The following ZNF208 variants were observed in gnomAD, a reference collection of about 807,000 sequenced individuals.
ZNF208 encodes zinc finger protein 95.
In ZNF208, 10 loss-of-function variants were observed where a neutral mutation model predicts 12.1. The ratio of observed to expected loss-of-function variants is 0.83; its 90% CI spans 0.51 to 1.40. The LOEUF is 1.40. Ranked by LOEUF, ZNF208 falls within the 40% of genes most tolerant of loss-of-function variation. ZNF208 has a pLI of 0.00. For synonymous variants in ZNF208, 497 were observed against 488.4 expected (o/e 1.02, Z -0.23); for missense variants, 1,652 against 1,485.0 (o/e 1.11, Z -1.85).
chr19:21,976,324 A>G (rs979018957), intron 3 of ZNF208, among the ~76,000 whole-genome samples: 1 of 152,180 alleles, frequency 6.6e-6, no homozygotes, highest in African/African-American at 2.4e-5. Context: ...GTTCTATGCA[A>G]TCCCCAAGGT....
At chr19:21,954,147 A>G (rs1969933913) in intron 4 of ZNF208, among the ~76,000 whole-genome samples, 1 of 152,156 alleles carries the variant, frequency 6.6e-6, no homozygotes, top group African/African-American at 2.4e-5. Context: ...AGCAGTTTTG[A>G]GTGAGTTTCT....
chr19:21,972,356 T>G lies in ZNF208; in HGVS notation c.2678A>C (p.Glu893Ala), dbSNP rs370089265. 28 of 1,612,836 alleles carry G rather than the reference T, an allele frequency of 1.7e-5. No individual in the cohort carries two copies. The African/African-American group carries it at 2.7e-4, about 15-fold the overall frequency. ...HTGEKPYKCEECGKGFSMFSI... is the reference protein window; with the variant it reads ...HTGEKPYKCEACGKGFSMFSI... ...GAACATACTAAAACCTTTGCCACATTCTTCACATTTGTAGGGTTTCTCTCC... is the reference window on the plus strand; with the variant it reads ...GAACATACTAAAACCTTTGCCACATGCTTCACATTTGTAGGGTTTCTCTCC... Residue 893 changes from glutamate (E) to alanine (A), a missense_variant, in exon 4 of 4, where the codon GAA becomes GCA. This residue lies in a region of ZNF208 where 1,239 missense variants were observed against 1,086.2 expected (regional missense o/e 1.14). Transcript: ENST00000397126.
chr19:21,944,573 T>TA (rs545943282), intron 4 of ZNF208, among the ~76,000 whole-genome samples: 135 of 152,252 alleles, frequency 8.9e-4, no homozygotes, highest in African/African-American at 3.2e-3. Context: ...AGACTTTCAG[T>TA]AAAAAATACT....
chr19:21,997,889 G>A (rs1970868648), intron 1 of ZNF208: 1 of 152,104 alleles, frequency 6.6e-6, no homozygotes, highest in African/African-American at 2.4e-5. Context: ...TTCTCAAACA[G>A]ACACACAATG....
At position 21,943,343 on chromosome 19, in the gene ZNF208, C is replaced by A. The variant is rs568105248; in HGVS notation, c.306-10106G>T. Among the ~76,000 whole-genome samples, 19 of 152,124 alleles carry A rather than the reference C, an allele frequency of 1.2e-4. No individual in the cohort carries two copies. In the South Asian group the frequency reaches 3.9e-3, roughly 32 times the overall value. ...ATAAACAAAAAAATACACTGAACAA[C>A]AACAACAACAAAAAACTAAGATCCA... On this transcript the variant is annotated intron_variant, in intron 4 of 4. Transcript: ENST00000599916.
In ZNF208 at chr19:21,952,688, T is replaced by C. The variant is rs140736268; in HGVS notation, c.306-19451A>G. The stretch of plus-strand genomic sequence containing the variant: ...TGTCACCAACATTAAAGACCAAAGG[T>C]AGATAAAACCACAAAGATGGGGAGA... On this transcript the variant is annotated intron_variant, in intron 4 of 4. Coordinates refer to the ZNF208 transcript ENST00000599916. Among the ~76,000 whole-genome samples, 1,173 of 152,078 alleles carry C rather than the reference T, an allele frequency of 7.7e-3. 9 individuals are homozygous for C. The highest frequency in any genetic ancestry group is 0.027 in the African/African-American group (1,099 of 41,452).
rs1970331074 is a variant in ZNF208 at position 21,972,902 on chromosome 19, T to C, written c.2132A>G (p.His711Arg). The change falls in exon 4 of 4, where the codon CAT (histidine) becomes CGT (arginine). Residue 711 changes from histidine (H) to arginine (R), a missense_variant. His to Arg is a conservative substitution (Grantham distance 29, BLOSUM62 0). Coordinates refer to ENST00000397126, the MANE Select transcript of ZNF208 (RefSeq NM_007153.3). ...AFNWSSNLME[H>R]KRIHTGEKPY... ...TTTCTCTCCAGTATGAATTCTCTTA[T>C]GTTCCATAAGGTTTGAGGACCAGTT... 6.2e-7 allele frequency: 1 copy of C among 1,613,484 alleles called. No homozygotes were observed. Among genetic ancestry groups the C allele is most frequent in the Non-Finnish European group, 8.5e-7 (1 of 1,179,806 alleles).
At chr19:21,947,783 G>A in intron 4 of ZNF208, among the ~76,000 whole-genome samples, 1 of 152,126 alleles carries the variant, frequency 6.6e-6, no homozygotes, top group East Asian at 1.9e-4. Flanking sequence ...CCATAGCAGG[G>A]GAAGCCAAAA....
At chr19:21,947,575 C>T (rs1189691425) in intron 4 of ZNF208, among the ~76,000 whole-genome samples, 2 of 152,174 alleles carry the variant, frequency 1.3e-5, no homozygotes, top group East Asian at 3.9e-4. Context: ...ACTGATAAGG[C>T]CTCATGCCCT....
chr19:21,962,080 T>C (rs1217702215), downstream of ZNF208, among the ~76,000 whole-genome samples: 14 of 152,164 alleles, frequency 9.2e-5, no homozygotes, highest in African/African-American at 1.9e-4. Context: ...TGTTCAGAGA[T>C]TGAAGTAAAG....
intron 4 of ZNF208, among the ~76,000 whole-genome samples, chr19:21,946,556 T>C (rs1969818411): frequency 6.6e-6 from 1 of 152,214 alleles, no homozygotes; most frequent in Admixed American, 6.5e-5. Context: ...TTCTTGAATG[T>C]AGCACAAAGA....
At chr19:21,983,884 A>G (rs1970589077) in intron 3 of ZNF208, among the ~76,000 whole-genome samples, 1 of 152,164 alleles carries the variant, frequency 6.6e-6, no homozygotes, top group Non-Finnish European at 1.5e-5. Flanking sequence ...TAACATTAGG[A>G]GAAATACCTA....
downstream of ZNF208, among the ~76,000 whole-genome samples, chr19:21,961,958 AC>A (rs1970077934): frequency 6.6e-6 from 1 of 152,168 alleles, no homozygotes. Context: ...GAGGTGACAT[AC>A]ATCCTTAGCT....
intron 1 of ZNF208, among the ~76,000 whole-genome samples, chr19:22,009,741 G>A (rs1228971034): frequency 4.1e-5 from 5 of 121,732 alleles, no homozygotes; most frequent in Non-Finnish European, 7.2e-5. Context: ...AGTGAGACTT[G>A]GTCTCAAAAA....
intron 4 of ZNF208, among the ~76,000 whole-genome samples, chr19:21,946,004 T>C (rs1457694482): frequency 6.6e-6 from 1 of 152,106 alleles, no homozygotes; most frequent in Non-Finnish European, 1.5e-5. Flanking sequence ...CTAAAGCCCA[T>C]TTAGATAAAA....
intron 4 of ZNF208, among the ~76,000 whole-genome samples, chr19:21,948,181 A>G (rs1969841141): frequency 6.6e-6 from 1 of 152,184 alleles, no homozygotes; most frequent in African/African-American, 2.4e-5. Context: ...CCTCTAGTGC[A>G]TTCTGAAACA....
chr19:21,977,734 C>T (rs2145556377), intron 3 of ZNF208, among the ~76,000 whole-genome samples: 3 of 152,246 alleles, frequency 2.0e-5, no homozygotes, highest in Admixed American at 2.0e-4. Context: ...TAAGACAGAA[C>T]CGTTCACTCC....
At chr19:21,943,468 T>C (rs963204447) in intron 4 of ZNF208, among the ~76,000 whole-genome samples, 53 of 152,176 alleles carry the variant, frequency 3.5e-4, no homozygotes, top group African/African-American at 1.2e-3. Flanking sequence ...CTAATAAAAA[T>C]GATTTATCTT....
At chr19:21,942,076 G>C (rs1025498853) in intron 4 of ZNF208, among the ~76,000 whole-genome samples, 3 of 151,990 alleles carry the variant, frequency 2.0e-5, no homozygotes, top group Admixed American at 6.6e-5. Flanking sequence ...ACAAATTCAG[G>C]CTTCAGTTAT....
Sources: gnomAD v4.1 joint callset for allele counts (sites outside exome capture counted in the v4.1 genomes callset) on GRCh38, gnomAD v4.1.1 for gene constraint, gnomAD v4.1.1 regional missense constraint, MANE v1.5 for transcripts, NCBI Gene and HGNC (gene_info 2026-07-23, HGNC 2026-07-21) for gene names.